TRPV5: variants seen among roughly 807,000 people sequenced by gnomAD.
The protein encoded by TRPV5 is transient receptor potential cation channel subfamily V member 5, also known as calcium transport protein 2.
TRPV5 carries 66 observed loss-of-function variants against 74.1 expected under a neutral mutation model. The observed-to-expected ratio is 0.89, with a 90% CI of 0.73 to 1.09. The LOEUF is 1.09. TRPV5 is among the 50% of genes least tolerant of loss of function. The probability of loss-of-function intolerance (pLI) is 0.00; values close to 1 mark genes in which losing one functional copy is unlikely to be tolerated. For missense variants in TRPV5, 936 were observed against 930.4 expected (o/e 1.01, Z -0.08); for synonymous variants, 399 against 360.7 (o/e 1.11, Z -1.20).
chr7:142,925,719 G>T lies in TRPV5; in HGVS notation c.932C>A (p.Thr311Asn), dbSNP rs1218150008. 1.2e-6 allele frequency: 2 copies of T among 1,614,138 alleles called. No individual in the cohort carries two copies. The highest frequency in any genetic ancestry group is 1.6e-4 in the Middle Eastern group (1 of 6,062). Residue 311 changes from threonine to asparagine, a missense_variant, in exon 8 of 15, where the codon ACC (threonine) becomes AAC (asparagine). Physicochemically the swap from Thr to Asn is moderately conservative, Grantham distance 65. Coordinates refer to ENST00000265310, the MANE Select transcript of TRPV5 (RefSeq NM_019841.7). ...KREARQILEQTPVKELVSFKW... is the reference protein window; with the variant it reads ...KREARQILEQNPVKELVSFKW... ...GAAGCTCACCAGCTCCTTCACTGGG[G>T]TCTGTTCCAGAATTTGGCGAGCCTG...
intron 8 of TRPV5, among the ~76,000 whole-genome samples, chr7:142,924,245 CATAT>C (rs1795932321): frequency 1.3e-3 from 174 of 131,774 alleles, no homozygotes; most frequent in African/African-American, 5.0e-3. Context: ...TATATATATA[CATAT>C]ACATGTATAT....
chr7:142,908,237 T>A lies in TRPV5; in HGVS notation c.*277A>T. ...AAGAGAAATGGTCCTGACATTAATCTAGCATCCCTGCCTCATGTCTTTAGT... is the reference window on the plus strand; with the variant it reads ...AAGAGAAATGGTCCTGACATTAATCAAGCATCCCTGCCTCATGTCTTTAGT... On this transcript the variant is annotated 3_prime_UTR_variant, in exon 15 of 15. Transcript: ENST00000265310. 1 of 533,714 alleles carries A rather than the reference T, an allele frequency of 1.9e-6. No individual in the cohort carries two copies. The highest frequency in any genetic ancestry group is 2.5e-5 in the South Asian group (1 of 39,602). The allele number at this position is 533,714 out of a possible 1,614,324, so 33.1% of individuals were successfully genotyped here.
intron 8 of TRPV5, among the ~76,000 whole-genome samples, chr7:142,919,378 T>C (rs962691352): frequency 1.3e-5 from 2 of 152,154 alleles, no homozygotes; most frequent in Non-Finnish European, 2.9e-5. Context: ...AGACAGCAGG[T>C]GCAAGTTAAG....
chr7:142,912,874 A>ATCTATCTATCTG (rs1795726262), intron 12 of TRPV5, 124 bp from the exon 13 acceptor site: 1 of 1,100,902 alleles, frequency 9.1e-7, no homozygotes, highest in African/African-American at 1.6e-5. Flanking sequence ...CTATCTATCT[A>ATCTATCTATCTG]TCTATCTAAA....
Position 142,915,387 on chromosome 7 carries a change from G to A in TRPV5, c.1210-4C>T, listed in dbSNP as rs778177504. 123 of 1,608,024 alleles carry A rather than the reference G, an allele frequency of 7.6e-5. No individual in the cohort carries two copies. The highest frequency in any genetic ancestry group is 1.0e-4 in the Non-Finnish European group (119 of 1,178,500). ...CAACCCTGAAGATGTCTGGAATCTG[G>A]GGAGAGGACGGCAAAGCAAAAATAC... is the stretch of plus-strand genomic sequence containing the variant. On this transcript the variant is annotated splice_polypyrimidine_tract_variant and splice_region_variant and intron_variant, in intron 9 of 14. Transcript: ENST00000265310.
rs371934891 is a variant in TRPV5, at chr7:142,928,051, C to T, written c.909+37G>A. The stretch of plus-strand genomic sequence containing the variant: ...AGACTCTGCACAAACACTAAATTCC[C>T]TCACATGACAGGCCTGATCCTCCTT... On this transcript the variant is annotated intron_variant, in intron 7 of 14. Coordinates refer to ENST00000265310, the MANE Select transcript of TRPV5 (RefSeq NM_019841.7). 3.1e-6 allele frequency: 5 copies of T among 1,612,796 alleles called. No individual in the cohort carries two copies. The African/African-American group carries it at 6.7e-5, about 22-fold the overall frequency.
chr7:142,932,033 A>G (rs1009259318), intron 1 of TRPV5, among the ~76,000 whole-genome samples: 2 of 152,154 alleles, frequency 1.3e-5, no homozygotes, highest in Non-Finnish European at 1.5e-5. Context: ...GAAGCTTTTA[A>G]TCTAAAGGTG....
At chr7:142,910,335 T>C (rs1015471488) in intron 13 of TRPV5, among the ~76,000 whole-genome samples, 2 of 152,184 alleles carry the variant, frequency 1.3e-5, no homozygotes, top group African/African-American at 4.8e-5. Context: ...AACAAAGGTG[T>C]GGGAGTGCTA....
intron 6 of TRPV5, 104 bp downstream of exon 6, chr7:142,928,587 G>A (rs1453117685): frequency 2.1e-6 from 3 of 1,444,524 alleles, no homozygotes; most frequent in East Asian, 2.5e-5. Context: ...GGGGAAAAGG[G>A]ATTTTAGAGA....
At chr7:142,930,318 C>T (rs765389301) in intron 2 of TRPV5, 31 bp downstream of exon 2, 6 of 1,609,808 alleles carry the variant, frequency 3.7e-6, no homozygotes, top group Non-Finnish European at 5.1e-6. Context: ...TCTTCTGCCC[C>T]CACCTCCATC....
rs4252435 is a variant in TRPV5, at chr7:142,925,619, A to G, written c.1032T>C (p.Thr344=). 1,435,105 of 1,614,014 alleles carry G rather than the reference A, an allele frequency of 0.89. 646,355 individuals carry two copies. Among genetic ancestry groups the G allele is most frequent in the East Asian group, 0.97 (43,634 of 44,866 alleles). Reference sequence around the variant, plus strand: ...TAAGGGGGCGGTAGACGCAGCACGTAGTAAAGCAGATCATGTAGAGCAGGT... The same window carrying G: ...TAAGGGGGCGGTAGACGCAGCACGTGGTAAAGCAGATCATGTAGAGCAGGT... ...ALYLLYMICF[T]TCCVYRPLKF... Residue 344 remains threonine, a synonymous_variant, in exon 8 of 15, where the codon ACT becomes ACC. Transcript: ENST00000265310.
rs367687660 is a variant in TRPV5 at position 142,925,745 on chromosome 7, G to T, written c.910-4C>A. 8 of 1,612,982 alleles carry T rather than the reference G, an allele frequency of 5.0e-6. No individual in the cohort carries two copies. In the African/African-American group the frequency reaches 1.1e-4, roughly 22 times the overall value. On this transcript the variant is annotated splice_region_variant and splice_polypyrimidine_tract_variant and intron_variant, in intron 7 of 14. Coordinates refer to ENST00000265310, the MANE Select transcript of TRPV5 (RefSeq NM_019841.7). ...TCTGTTCCAGAATTTGGCGAGCCTG[G>T]CATGGAAGTAGAGTGAAACTTGGGG...
chr7:142,931,827 G>A (rs963721038), intron 1 of TRPV5, among the ~76,000 whole-genome samples: 5 of 151,978 alleles, frequency 3.3e-5, no homozygotes, highest in Admixed American at 2.0e-4. Flanking sequence ...TCAGCCTCCC[G>A]AGTAGCTGGG....
Position 142,908,661 on chromosome 7 carries a change from C to A in TRPV5, c.2043G>T (p.Leu681Phe), listed in dbSNP as rs774653260. The A allele has an allele frequency of 7.4e-6, 12 of 1,614,100 alleles. No homozygotes were observed. In the South Asian group the frequency reaches 1.3e-4, roughly 18 times the overall value. ...GGGACAGGGAGGAAGTTGGAAGAGC[C>A]AAAGAGGCTCTGGCTAGAGTCCCAC... Reference protein sequence around the residue: ...AESGTLARASLALPTSSLSRT... With the variant: ...AESGTLARASFALPTSSLSRT... Residue 681 changes from leucine to phenylalanine, a missense_variant, in exon 15 of 15, where the codon TTG becomes TTT. Transcript: ENST00000265310.
Position 142,915,532 on chromosome 7 carries a change from C to A in TRPV5, c.1159G>T (p.Val387Leu). 1 of 1,614,178 alleles carries A rather than the reference C, an allele frequency of 6.2e-7. No individual in the cohort carries two copies. Among genetic ancestry groups the A allele is most frequent in the Non-Finnish European group, 8.5e-7 (1 of 1,180,032 alleles). Residue 387 changes from valine (V) to leucine (L), a missense_variant, in exon 9 of 15, where the codon GTG (valine) becomes TTG (leucine). Coordinates refer to ENST00000265310, the MANE Select transcript of TRPV5 (RefSeq NM_019841.7). ...YETREDIIRL[V>L]GELVSIVGAV... ...CCAACGATGCTCACCAGCTCCCCCACCAGCCTGATGATATCTTCACGTGTC... is the reference window on the plus strand; with the variant it reads ...CCAACGATGCTCACCAGCTCCCCCAACAGCCTGATGATATCTTCACGTGTC...
rs149138140 is a variant in TRPV5, at chr7:142,930,992, A to G, written c.129-546T>C. ...AAATTTGTGAAATTTGTGAGGCACT[A>G]AAGTTCTGACTACTCCCTCAGGCTA... On this transcript the variant is annotated intron_variant, in intron 1 of 14. Transcript: ENST00000265310. Among the ~76,000 whole-genome samples the G allele has an allele frequency of 1.2e-4, 18 of 151,240 alleles. No individual in the cohort carries two copies. In the East Asian group the frequency reaches 1.6e-3, roughly 13 times the overall value.
In TRPV5 at chr7:142,908,576, C is replaced by A. The variant is rs2116569392; in HGVS notation, c.2128G>T (p.Gly710Trp). ...GWEILRQNTL[G>W]HLNLGLNLSE... ...AGGTTCAGTCCAAGATTCAAGTGCC[C>A]CAGGGTGTTTTGACGAAGGATCTCC... Residue 710 changes from glycine (G) to tryptophan (W), a missense_variant, in exon 15 of 15, where the codon GGG becomes TGG. Transcript: ENST00000265310. 6.2e-7 allele frequency: 1 copy of A among 1,614,168 alleles called. No individual in the cohort carries two copies. The highest frequency in any genetic ancestry group is 2.2e-5 in the East Asian group (1 of 44,878).
intron 13 of TRPV5, 51 bp downstream of exon 13, chr7:142,912,431 T>G (rs776363798): frequency 3.2e-6 from 5 of 1,571,420 alleles, no homozygotes; most frequent in Non-Finnish European, 4.3e-6. Flanking sequence ...TCCACTTTGA[T>G]TTTTCTCTCC....
At chr7:142,914,467 T>C (rs1380235493) in intron 12 of TRPV5, among the ~76,000 whole-genome samples, 173 bp downstream of exon 12, 1 of 151,880 alleles carries the variant, frequency 6.6e-6, no homozygotes, top group South Asian at 2.1e-4. Flanking sequence ...CCTGGTCCTA[T>C]AAATATGGGT....
Sources: gnomAD v4.1 joint callset for allele counts (sites outside exome capture counted in the v4.1 genomes callset) on GRCh38, gnomAD v4.1.1 for gene constraint, MANE v1.5 for transcripts, NCBI Gene and HGNC (gene_info 2026-07-23, HGNC 2026-07-21) for gene names.